SESTD1: variants seen among roughly 807,000 people sequenced by gnomAD.
SESTD1 encodes the protein SEC14 domain and spectrin repeat-containing protein 1.
Under a neutral mutation model 101.7 loss-of-function variants are expected in SESTD1, and 43 were observed. The observed-to-expected ratio is 0.42, with a 90% CI of 0.33 to 0.55. The LOEUF (loss-of-function observed/expected upper bound fraction) is 0.55, where lower values mean the gene tolerates loss of function less well. Ranked by LOEUF, SESTD1 falls within the 20% of genes least tolerant of loss-of-function variation. SESTD1 has a pLI of 0.07. For synonymous variants in SESTD1, 283 were observed against 286.8 expected (o/e 0.99, Z 0.13); for missense variants, 647 against 815.1 (o/e 0.79, Z 2.51).
chr2:179,179,421 C>A (rs1381450953), intron 3 of SESTD1, among the ~76,000 whole-genome samples: 1 of 152,214 alleles, frequency 6.6e-6, no homozygotes, highest in Non-Finnish European at 1.5e-5. Context: ...AGTCCACTCA[C>A]TTTTGACACA....
rs565059163 is a variant in SESTD1, at chr2:179,226,538, T to G, written c.-25-34672A>C. 6.7e-4 allele frequency among the ~76,000 whole-genome samples: 102 copies of G among 152,336 alleles called. 2 individuals are homozygous for G. The South Asian group carries it at 0.021, about 31-fold the overall frequency. On this transcript the variant is annotated intron_variant, in intron 1 of 17. Coordinates refer to ENST00000428443, the MANE Select transcript of SESTD1 (RefSeq NM_178123.5). ...AATTACTATGAAAAACAACAATTTATGTCCACAATATCCACTCACGCTGAT... is the reference window on the plus strand; with the variant it reads ...AATTACTATGAAAAACAACAATTTAGGTCCACAATATCCACTCACGCTGAT...
At chr2:179,250,771 G>A (rs185278161) in intron 1 of SESTD1, among the ~76,000 whole-genome samples, 282 of 152,306 alleles carry the variant, frequency 1.9e-3, no homozygotes, top group Non-Finnish European at 3.0e-3. Flanking sequence ...CACAACCTAT[G>A]AAATTTGTGG....
chr2:179,241,515 T>C (rs897673828), intron 1 of SESTD1, among the ~76,000 whole-genome samples: 6 of 152,078 alleles, frequency 3.9e-5, no homozygotes, highest in African/African-American at 1.2e-4. Flanking sequence ...TGAAAGCAGA[T>C]TGCTCATCAA....
chr2:179,225,268 T>C (rs1375340021), intron 1 of SESTD1, among the ~76,000 whole-genome samples: 1 of 152,100 alleles, frequency 6.6e-6, no homozygotes, highest in Non-Finnish European at 1.5e-5. Context: ...AAAAACAACT[T>C]AGGGTTTTTT....
Position 179,230,113 on chromosome 2 carries a change from CTTTTTT to C in SESTD1, c.-26+34380_-26+34385del, listed in dbSNP as rs71023474. On this transcript the variant is annotated intron_variant, in intron 1 of 17. Coordinates refer to ENST00000428443, the MANE Select transcript of SESTD1 (RefSeq NM_178123.5). Reference sequence around the variant, plus strand: ...AAATATTCCAAACTGGATTGTATCTCTTTTTTTTTTTTTTTTTTTTTTTTTTTTTTT... The same window carrying C: ...AAATATTCCAAACTGGATTGTATCTCTTTTTTTTTTTTTTTTTTTTTTTTT... Among the ~76,000 whole-genome samples, 189 of 56,412 alleles carry C rather than the reference CTTTTTT, an allele frequency of 3.4e-3. 1 individual carries two copies. The highest frequency in any genetic ancestry group is 0.011 in the African/African-American group (173 of 16,296). 37.0% of individuals were successfully genotyped at this position (56,412 alleles called of 152,430 possible). A position where few individuals can be genotyped will look rare whatever the true frequency, so the allele number is the denominator to read the frequency against.
chr2:179,189,947 G>A (rs758024382), intron 2 of SESTD1, among the ~76,000 whole-genome samples: 18 of 151,940 alleles, frequency 1.2e-4, no homozygotes, highest in Non-Finnish European at 2.1e-4. Flanking sequence ...ACATTCCATC[G>A]TCATATTTAA....
intron 2 of SESTD1, among the ~76,000 whole-genome samples, chr2:179,183,403 TCACC>T (rs2046152856): frequency 6.6e-6 from 1 of 152,098 alleles, no homozygotes; most frequent in African/African-American, 2.4e-5. Flanking sequence ...CATGAAATCT[TCACC>T]CAAACATAGC....
chr2:179,226,676 A>T (rs1168776361), intron 1 of SESTD1, among the ~76,000 whole-genome samples: 1 of 152,206 alleles, frequency 6.6e-6, no homozygotes, highest in East Asian at 1.9e-4. Flanking sequence ...TTTGGGCATG[A>T]TGCATATTAA....
At chr2:179,197,077 T>C (rs1443542880) in intron 1 of SESTD1, among the ~76,000 whole-genome samples, 1 of 152,046 alleles carries the variant, frequency 6.6e-6, no homozygotes, top group Non-Finnish European at 1.5e-5. Context: ...TTTAGAAGAA[T>C]GTATAACTAG....
At chr2:179,201,730 A>T (rs1395510535) in intron 1 of SESTD1, among the ~76,000 whole-genome samples, 2 of 121,912 alleles carry the variant, frequency 1.6e-5, no homozygotes, top group Non-Finnish European at 3.4e-5. Flanking sequence ...CAATGAGAAC[A>T]CATGGACACA....
intron 13 of SESTD1, among the ~76,000 whole-genome samples, chr2:179,119,490 G>A (rs1179632828): frequency 1.3e-5 from 2 of 152,186 alleles, no homozygotes; most frequent in Non-Finnish European, 1.5e-5. Context: ...TAACATCAAA[G>A]TGTAATCCCA....
At chr2:179,241,774 TAGTC>T (rs773224838) in intron 1 of SESTD1, among the ~76,000 whole-genome samples, 378 of 151,828 alleles carry the variant, frequency 2.5e-3, no homozygotes, top group South Asian at 1.7e-3. Context: ...TACAAAAAAT[TAGTC>T]AGGCATGGTG....
At position 179,102,353 on chromosome 2, in the gene SESTD1, TAACTC is replaced by T. The variant is rs2044290066; in HGVS notation, c.*7541_*7545del. On this transcript the variant is annotated 3_prime_UTR_variant, in exon 18 of 18. Transcript: ENST00000428443. The stretch of plus-strand genomic sequence containing the variant: ...AAACAATTTAAACCTTTACAAAAAA[TAACTC>T]AAATTGATTCAAAGATGCAGAATTC... The T allele has an allele frequency of 2.6e-5, 4 of 152,134 alleles. No individual in the cohort carries two copies. Among genetic ancestry groups the T allele is most frequent in the African/African-American group, 9.7e-5 (4 of 41,420 alleles). 9.4% of individuals were successfully genotyped at this position (152,134 alleles called of 1,614,324 possible). A position where few individuals can be genotyped will look rare whatever the true frequency, so the allele number is the denominator to read the frequency against.
intron 2 of SESTD1, 60 bp downstream of exon 2, chr2:179,191,727 A>C: frequency 7.2e-7 from 1 of 1,382,648 alleles, no homozygotes. Context: ...TACTTAACAA[A>C]GAAGAAACTA....
At chr2:179,148,165 A>G (rs1003862927) in intron 7 of SESTD1, among the ~76,000 whole-genome samples, 1 of 152,208 alleles carries the variant, frequency 6.6e-6, no homozygotes, top group Non-Finnish European at 1.5e-5. Context: ...TGAAAACTTG[A>G]TATGTGACTA....
intron 1 of SESTD1, among the ~76,000 whole-genome samples, chr2:179,228,811 T>C (rs1464703288): frequency 6.6e-6 from 1 of 152,132 alleles, no homozygotes; most frequent in Non-Finnish European, 1.5e-5. Context: ...TTATGTAAAG[T>C]AGAAAACATA....
intron 1 of SESTD1, among the ~76,000 whole-genome samples, chr2:179,241,468 G>A (rs11884516): frequency 0.45 from 67,607 of 151,782 alleles, 17,899 homozygotes; most frequent in African/African-American, 0.75. Flanking sequence ...AAAATAAATG[G>A]AATCTTATCT....
At chr2:179,233,426 G>T (rs1466369226) in intron 1 of SESTD1, among the ~76,000 whole-genome samples, 1 of 152,046 alleles carries the variant, frequency 6.6e-6, no homozygotes, top group Non-Finnish European at 1.5e-5. Flanking sequence ...GGCTGGCACA[G>T]GAATATGTCT....
chr2:179,142,397 T>C (rs751995361), intron 9 of SESTD1, among the ~76,000 whole-genome samples: 4 of 152,062 alleles, frequency 2.6e-5, no homozygotes, highest in Non-Finnish European at 4.4e-5. Flanking sequence ...TTATTCCTGT[T>C]TCAATTAAGC....
Sources: allele counts gnomAD v4.1 joint callset (sites outside exome capture counted in the v4.1 genomes callset), GRCh38; gene constraint gnomAD v4.1.1; transcripts MANE v1.5; gene names NCBI Gene and HGNC (gene_info 2026-07-23, HGNC 2026-07-21).